ROBO1: variants seen among roughly 807,000 people sequenced by gnomAD.
ROBO1 encodes roundabout guidance receptor 1, also known as roundabout homolog 1.
ROBO1 carries 149 observed loss-of-function variants against 195.9 expected under a neutral mutation model. That is an observed-to-expected ratio of 0.76 (90% confidence interval 0.67 to 0.87). The LOEUF (loss-of-function observed/expected upper bound fraction) is 0.87. ROBO1 is among the 40% of genes least tolerant of loss of function. The pLI is 0.00. For missense variants in ROBO1, 1,933 were observed against 2,068.3 expected, an observed-to-expected ratio of 0.93 and a Z score of 1.27; for synonymous variants, 816 against 733.2, an observed-to-expected ratio of 1.11 and a Z score of -1.82.
chr3:78,793,307 T>C lies in ROBO1; in HGVS notation c.500-46407A>G, dbSNP rs372011673. Reference sequence around the variant, plus strand: ...TTCCTTGTTTTTAACAAAGAATGCATAGCAGAATCTCCTGCAGAATTAAAA... The same window carrying C: ...TTCCTTGTTTTTAACAAAGAATGCACAGCAGAATCTCCTGCAGAATTAAAA... On this transcript the variant is annotated intron_variant, in intron 4 of 30. Transcript: ENST00000464233. Among the ~76,000 whole-genome samples the C allele has an allele frequency of 5.9e-5, 9 of 152,312 alleles. No individual in the cohort carries two copies. The East Asian group carries it at 7.7e-4, about 13-fold the overall frequency.
intron 5 of ROBO1, among the ~76,000 whole-genome samples, chr3:78,720,962 G>T (rs531164633): frequency 1.3e-5 from 2 of 150,700 alleles, no homozygotes; most frequent in African/African-American, 2.5e-5. Flanking sequence ...GGGGGGGGGC[G>T]GTGGAGGCAT....
intron 1 of ROBO1, among the ~76,000 whole-genome samples, chr3:79,615,670 T>C (rs757933849): frequency 2.0e-5 from 3 of 152,170 alleles, no homozygotes; most frequent in Non-Finnish European, 4.4e-5. Context: ...AGACAGGCTA[T>C]ATTGGCCTAA....
At chr3:79,656,361 A>T in intron 1 of ROBO1, among the ~76,000 whole-genome samples, 1 of 152,168 alleles carries the variant, frequency 6.6e-6, no homozygotes, top group Non-Finnish European at 1.5e-5. Flanking sequence ...AACTATAAAG[A>T]TTTGAAGGTA....
At chr3:78,960,024 C>G (rs1411057720) in intron 3 of ROBO1, among the ~76,000 whole-genome samples, 2 of 151,816 alleles carry the variant, frequency 1.3e-5, no homozygotes, top group Non-Finnish European at 2.9e-5. Flanking sequence ...CTAATCAAGC[C>G]AGGTAACAGC....
intron 4 of ROBO1, among the ~76,000 whole-genome samples, chr3:78,922,605 C>CA (rs2038998928): frequency 8.1e-6 from 1 of 123,146 alleles, no homozygotes; most frequent in Non-Finnish European, 1.7e-5. Flanking sequence ...TCTTCTTCTT[C>CA]TTTTTTTTTT....
At chr3:79,697,519 A>G (rs2107131782) in intron 1 of ROBO1, among the ~76,000 whole-genome samples, 1 of 151,600 alleles carries the variant, frequency 6.6e-6, no homozygotes, top group South Asian at 2.1e-4. Context: ...GGAATAGCAT[A>G]TAGACATTAT....
chr3:78,684,228 A>G (rs1575929102), intron 10 of ROBO1, among the ~76,000 whole-genome samples: 2 of 152,154 alleles, frequency 1.3e-5, no homozygotes, highest in East Asian at 3.8e-4. Flanking sequence ...CAGCAACAAA[A>G]AAGAACCTAA....
At chr3:79,350,936 C>A (rs773527992) in intron 2 of ROBO1, among the ~76,000 whole-genome samples, 1 of 152,040 alleles carries the variant, frequency 6.6e-6, no homozygotes, top group Admixed American at 6.6e-5. Flanking sequence ...CTCAATTGAT[C>A]CTCCCATCTC....
intron 5 of ROBO1, among the ~76,000 whole-genome samples, chr3:78,723,194 T>G (rs1037113404): frequency 6.6e-6 from 1 of 152,170 alleles, no homozygotes; most frequent in African/African-American, 2.4e-5. Context: ...TCACCTTTTC[T>G]ACATTTAGAT....
At chr3:79,300,391 C>G (rs907935251) in intron 2 of ROBO1, among the ~76,000 whole-genome samples, 1 of 152,192 alleles carries the variant, frequency 6.6e-6, no homozygotes, top group Non-Finnish European at 1.5e-5. Context: ...TGTACTGGGT[C>G]CCCCAGCAGT....
rs558943682 is a variant in ROBO1, at chr3:78,625,557, T to C, written c.3875+1764A>G. 3.9e-4 allele frequency among the ~76,000 whole-genome samples: 59 copies of C among 152,272 alleles called. 2 individuals are homozygous for C. In the Middle Eastern group the frequency reaches 0.02, roughly 53 times the overall value. On this transcript the variant is annotated intron_variant, in intron 26 of 30. Coordinates refer to ENST00000464233, the MANE Select transcript of ROBO1 (RefSeq NM_002941.4). ...GACTAGCCTGGGTAAAGAAATTCGA[T>C]AGCCAACAGAATATAAGAGTTGAAC...
intron 4 of ROBO1, among the ~76,000 whole-genome samples, chr3:78,769,396 G>C (rs768866377): frequency 2.0e-4 from 31 of 152,016 alleles, no homozygotes; most frequent in Non-Finnish European, 4.0e-4. Flanking sequence ...GCTCGCTTTT[G>C]GTGTCCATTT....
chr3:78,954,139 C>T (rs1465479768), intron 3 of ROBO1, among the ~76,000 whole-genome samples: 2 of 151,364 alleles, frequency 1.3e-5, no homozygotes, highest in Non-Finnish European at 2.9e-5. Flanking sequence ...GAGCATCTTT[C>T]AAAAGACAGA....
chr3:79,370,734 A>T (rs1010084530), intron 2 of ROBO1, among the ~76,000 whole-genome samples: 1 of 151,824 alleles, frequency 6.6e-6, no homozygotes, highest in African/African-American at 2.4e-5. Context: ...TGTTACATAG[A>T]TATATACATG....
chr3:78,629,831 T>C (rs1705069809), intron 25 of ROBO1, among the ~76,000 whole-genome samples: 1 of 152,158 alleles, frequency 6.6e-6, no homozygotes, highest in South Asian at 2.1e-4. Flanking sequence ...GGCCAAAAAT[T>C]TGAGCGCCTG....
At chr3:79,230,737 A>G (rs183314086) in intron 2 of ROBO1, among the ~76,000 whole-genome samples, 10 of 152,168 alleles carry the variant, frequency 6.6e-5, no homozygotes, top group Non-Finnish European at 1.5e-4. Context: ...GACATTCTTT[A>G]TACGAGACCA....
chr3:79,479,346 G>A lies in ROBO1; in HGVS notation c.88+110478C>T, dbSNP rs570787311. Among the ~76,000 whole-genome samples the A allele has an allele frequency of 7.2e-5, 11 of 152,230 alleles. No individual in the cohort carries two copies. In the South Asian group the frequency reaches 1.7e-3, roughly 23 times the overall value. On this transcript the variant is annotated intron_variant, in intron 2 of 30. Coordinates refer to ENST00000464233, the MANE Select transcript of ROBO1 (RefSeq NM_002941.4). ...AAGGAGTGTGCAGGCTAGATCCCTCGCATGCGCACTTCACAATAGGGTTCA... is the reference window on the plus strand; with the variant it reads ...AAGGAGTGTGCAGGCTAGATCCCTCACATGCGCACTTCACAATAGGGTTCA...
chr3:79,670,669 G>A (rs910730379), intron 1 of ROBO1, among the ~76,000 whole-genome samples: 1 of 151,760 alleles, frequency 6.6e-6, no homozygotes, highest in Non-Finnish European at 1.5e-5. Flanking sequence ...GTAAACATTG[G>A]CATTTTTCTA....
chr3:79,350,361 T>C lies in ROBO1; in HGVS notation c.89-224822A>G, dbSNP rs2035292706. Among the ~76,000 whole-genome samples, 2 of 152,192 alleles carry C rather than the reference T, an allele frequency of 1.3e-5. 1 individual carries two copies. Among genetic ancestry groups the C allele is most frequent in the South Asian group, 4.1e-4 (2 of 4,832 alleles). ...CATTGCTAGTTGGATTGTAATATGT[T>C]ACGGTGACTTTGAAAACCACTGTCC... On this transcript the variant is annotated intron_variant, in intron 2 of 30. Transcript: ENST00000464233.
Sources: allele counts gnomAD v4.1 joint callset (sites outside exome capture counted in the v4.1 genomes callset), GRCh38; gene constraint gnomAD v4.1.1; transcripts MANE v1.5; gene names NCBI Gene and HGNC (gene_info 2026-07-23, HGNC 2026-07-21).